EVC: variants seen among roughly 807,000 people sequenced by gnomAD.
The protein encoded by EVC is EvC ciliary complex subunit 1.
Under a neutral mutation model 118.9 loss-of-function variants are expected in EVC, and 116 were observed. That is an observed-to-expected ratio of 0.98 (90% CI 0.84 to 1.14). EVC has a LOEUF of 1.14. Ranked by LOEUF, EVC falls within the 50% of genes most tolerant of loss-of-function variation. The pLI, the probability that EVC is intolerant of heterozygous loss-of-function variation, is 0.00. For synonymous variants in EVC, 619 were observed against 534.7 expected (o/e 1.16, Z -2.18); for missense variants, 1,401 against 1,246.4 (o/e 1.12, Z -1.87).
At chr4:5,825,587 A>G in the EVC span, 2 of 1,602,146 alleles carry the variant, frequency 1.2e-6, no homozygotes, top group African/African-American at 1.3e-5. This position sits in a 1 kb window ranked among gnomAD's most constrained non-coding sequence, Gnocchi z 4.4. Flanking sequence ...GGAGTTGCAT[A>G]TTTGGGTGTA....
At chr4:5,828,269 A>T in the EVC span, 1 of 985,326 alleles carries the variant, frequency 1.0e-6, no homozygotes, top group Non-Finnish European at 1.2e-6. Context: ...ACCCCTCTAC[A>T]GTTTGCAAAG....
intron 5 of EVC, among the ~76,000 whole-genome samples, chr4:5,740,208 C>T (rs775140135): frequency 2.2e-4 from 33 of 151,822 alleles, no homozygotes; most frequent in Admixed American, 1.4e-3. Flanking sequence ...GGTTGGCTCA[C>T]GCCTATAATC....
chr4:5,794,275 ATATT>A (rs1171130209), intron 13 of EVC, among the ~76,000 whole-genome samples: 6 of 140,076 alleles, frequency 4.3e-5, no homozygotes, highest in South Asian at 2.1e-4. Flanking sequence ...ATATTTATAT[ATATT>A]TATATATATT....
At chr4:5,808,144 T>TCCCCCCCC in intron 17 of EVC, 57 bp from the exon 18 acceptor site, 1 of 238,618 alleles carries the variant, frequency 4.2e-6, no homozygotes, top group South Asian at 2.9e-5. Context: ...CCTCCCTCCC[T>TCCCCCCCC]CCCTCCCTCC....
At chr4:5,767,992 T>G (rs1408059782) in intron 11 of EVC, among the ~76,000 whole-genome samples, 1 of 152,186 alleles carries the variant, frequency 6.6e-6, no homozygotes, top group Non-Finnish European at 1.5e-5. Flanking sequence ...TGGGAGAGTT[T>G]GTTCATTCAT....
chr4:5,825,775 TGCACACACACACACAACAC>T, the EVC span: 1 of 967,866 alleles, frequency 1.0e-6, no homozygotes, highest in Non-Finnish European at 1.5e-6. This position sits in a 1 kb window ranked among gnomAD's most constrained non-coding sequence, Gnocchi z 4.4. Flanking sequence ...CAAATGTGCA[TGCACACACACACACAACAC>T]GCACACACGA....
chr4:5,767,214 G>A (rs1733029431), intron 11 of EVC, among the ~76,000 whole-genome samples: 1 of 152,060 alleles, frequency 6.6e-6, no homozygotes, highest in Non-Finnish European at 1.5e-5. Context: ...GGCTCCTCGG[G>A]GGCCAGGGTT....
In EVC at chr4:5,798,485, C is replaced by A; in HGVS notation, c.2098-101C>A. On this transcript the variant is annotated intron_variant, in intron 14 of 20. Coordinates refer to ENST00000264956, the MANE Select transcript of EVC (RefSeq NM_153717.3). This position sits in a 1 kb window ranked among gnomAD's most constrained non-coding sequence, Gnocchi z 4.1. Reference sequence around the variant, plus strand: ...TGCCCTTTCTCCATCCCTTTTCCAACCCCTGGGCCCTGGATAGGACCAGCC... The same window carrying A: ...TGCCCTTTCTCCATCCCTTTTCCAAACCCTGGGCCCTGGATAGGACCAGCC... The A allele has an allele frequency of 8.0e-7, 1 of 1,247,938 alleles. No individual in the cohort carries two copies. The highest frequency in any genetic ancestry group is 1.1e-6 in the Non-Finnish European group (1 of 873,970). 77.3% of individuals were successfully genotyped at this position (1,247,938 alleles called of 1,614,324 possible). A position where few individuals can be genotyped will look rare whatever the true frequency, so the allele number is the denominator to read the frequency against.
At chr4:5,766,274 CT>C (rs1299509436) in intron 11 of EVC, among the ~76,000 whole-genome samples, 1,539 of 151,910 alleles carry the variant, frequency 0.01, 46 homozygotes, top group African/African-American at 0.035. Flanking sequence ...TAGCGATCAG[CT>C]GTTAGTCTGA....
At chr4:5,753,964 G>C in intron 10 of EVC, 31 bp downstream of exon 10, 1 of 1,612,076 alleles carries the variant, frequency 6.2e-7, no homozygotes, top group Non-Finnish European at 8.5e-7. Flanking sequence ...CTGCACATGT[G>C]GGTGAGCCAG....
chr4:5,804,980 C>T lies in EVC; in HGVS notation c.2561+139C>T, dbSNP rs1026662697. On this transcript the variant is annotated intron_variant, in intron 17 of 20. Coordinates refer to ENST00000264956, the MANE Select transcript of EVC (RefSeq NM_153717.3). ...GGCCATCGGCCTTCCTCACCCGCTG[C>T]CTCTGTCCTGGTCTCTGCCCTCCAT... The T allele has an allele frequency of 4.0e-6, 3 of 756,604 alleles. No individual in the cohort carries two copies. In the African/African-American group the frequency reaches 5.1e-5, roughly 13 times the overall value. 46.9% of individuals were successfully genotyped at this position (756,604 alleles called of 1,614,324 possible).
intron 2 of EVC, among the ~76,000 whole-genome samples, chr4:5,721,813 G>C (rs1044126689): frequency 2.6e-5 from 4 of 152,218 alleles, no homozygotes; most frequent in African/African-American, 9.6e-5. Context: ...GTTGCCATGA[G>C]CTGAGATTGT....
At chr4:5,727,881 G>A (rs1311346095) in intron 2 of EVC, among the ~76,000 whole-genome samples, 1 of 145,282 alleles carries the variant, frequency 6.9e-6, no homozygotes, top group East Asian at 2.0e-4. Context: ...TCAGATAGTT[G>A]TAGATATGCG....
intron 11 of EVC, among the ~76,000 whole-genome samples, chr4:5,770,438 C>A (rs1397340577): frequency 3.3e-5 from 5 of 152,166 alleles, no homozygotes; most frequent in African/African-American, 1.2e-4. Flanking sequence ...ACAGGCCAGA[C>A]CCCTCTTTGG....
chr4:5,739,461 A>C (rs1312460594), intron 5 of EVC, among the ~76,000 whole-genome samples: 1 of 152,172 alleles, frequency 6.6e-6, no homozygotes. Context: ...TCTCATCTGT[A>C]AAATGCGGAA....
chr4:5,764,571 A>T (rs1390174251), intron 11 of EVC, among the ~76,000 whole-genome samples: 2 of 150,696 alleles, frequency 1.3e-5, no homozygotes, highest in Admixed American at 1.3e-4. Context: ...TTATTGCCAC[A>T]ACTTCAGCTC....
chr4:5,828,868 A>C, the EVC span, among the ~76,000 whole-genome samples: 5 of 152,078 alleles, frequency 3.3e-5, no homozygotes, highest in East Asian at 7.7e-4. Flanking sequence ...TTGCGCATGT[A>C]GGCTGCCGGT....
intron 11 of EVC, among the ~76,000 whole-genome samples, chr4:5,771,588 T>C (rs982187780): frequency 6.6e-6 from 1 of 152,190 alleles, no homozygotes; most frequent in Non-Finnish European, 1.5e-5. Context: ...AAACAGTACA[T>C]TTCCAAAGAG....
intron 6 of EVC, among the ~76,000 whole-genome samples, chr4:5,744,794 A>G (rs796834965): frequency 2.6e-4 from 40 of 152,234 alleles, no homozygotes; most frequent in African/African-American, 8.9e-4. Context: ...TCTGGCCTTT[A>G]AACCAACCAA....
Sources: allele counts gnomAD v4.1 joint callset (sites outside exome capture counted in the v4.1 genomes callset), GRCh38; gene constraint gnomAD v4.1.1; non-coding constraint Gnocchi (gnomAD v3.1); transcripts MANE v1.5; gene names NCBI Gene and HGNC (gene_info 2026-07-23, HGNC 2026-07-21).